Variants in HERC4 observed in about 807,000 individuals in gnomAD.
The protein encoded by HERC4 is probable E3 ubiquitin-protein ligase HERC4.
A neutral mutation model predicts 124.3 loss-of-function variants in HERC4; 28 were observed. The ratio of observed to expected loss-of-function variants is 0.23; its 90% CI spans 0.17 to 0.31. The LOEUF is 0.31. HERC4 is among the 10% of genes least tolerant of loss of function. HERC4 has a pLI of 1.00. For missense variants in HERC4, 713 were observed against 1,229.3 expected (o/e 0.58, Z 6.28); for synonymous variants, 407 against 421.5 (o/e 0.97, Z 0.42).
intron 21 of HERC4, among the ~76,000 whole-genome samples, chr10:67,937,591 TG>T (rs1445557995): frequency 2.6e-5 from 4 of 152,098 alleles, no homozygotes; most frequent in Admixed American, 6.5e-5. Flanking sequence ...TTTTTGTTTT[TG>T]TTTTTTTTAA....
intron 7 of HERC4, among the ~76,000 whole-genome samples, chr10:68,029,047 GC>G (rs2039052574): frequency 6.6e-6 from 1 of 151,860 alleles, no homozygotes; most frequent in Non-Finnish European, 1.5e-5. Flanking sequence ...GCACAGTGGC[GC>G]CCGTAGCTCC....
intron 9 of HERC4, chr10:67,995,248 ACT>A: frequency 2.2e-6 from 1 of 455,454 alleles, no homozygotes; most frequent in South Asian, 1.6e-5. Flanking sequence ...AAGAATTTTC[ACT>A]GAGTTCTTTT....
At chr10:68,023,045 T>C (rs2133243405) in intron 8 of HERC4, among the ~76,000 whole-genome samples, 1 of 149,882 alleles carries the variant, frequency 6.7e-6, no homozygotes, top group Middle Eastern at 3.5e-3. Context: ...AAAATAACAG[T>C]GTTGGTGAGG....
intron 23 of HERC4, among the ~76,000 whole-genome samples, chr10:67,928,193 TGACA>T (rs761756623): frequency 6.6e-6 from 1 of 151,986 alleles, no homozygotes; most frequent in Non-Finnish European, 1.5e-5. Context: ...AGAGGAACAA[TGACA>T]GGAGATGAGG....
At chr10:68,070,407 G>A in intron 3 of HERC4, 1 of 301,316 alleles carries the variant, frequency 3.3e-6, no homozygotes, top group Non-Finnish European at 4.9e-6. Context: ...AGGAGTTCGA[G>A]ACCAGCCTGG....
chr10:68,005,784 G>C (rs1176316246), intron 9 of HERC4, among the ~76,000 whole-genome samples: 1 of 151,858 alleles, frequency 6.6e-6, no homozygotes, highest in Non-Finnish European at 1.5e-5. Context: ...GCTCACTGCA[G>C]CCTCAACCTC....
chr10:67,939,197 T>C (rs1426819284), intron 21 of HERC4, among the ~76,000 whole-genome samples: 3 of 152,226 alleles, frequency 2.0e-5, no homozygotes, highest in Admixed American at 2.0e-4. Context: ...CAATAACCTT[T>C]TGCTTCTCTA....
At chr10:68,060,544 T>G (rs2040953530) in intron 3 of HERC4, among the ~76,000 whole-genome samples, 1 of 152,138 alleles carries the variant, frequency 6.6e-6, no homozygotes. Flanking sequence ...CAGCCATAAA[T>G]AATACATTCT....
intron 11 of HERC4, among the ~76,000 whole-genome samples, chr10:67,991,491 T>C (rs1205446864): frequency 6.6e-6 from 1 of 152,190 alleles, no homozygotes; most frequent in Non-Finnish European, 1.5e-5. Context: ...TGTATGTTCA[T>C]GTAAAAAGTT....
intron 4 of HERC4, among the ~76,000 whole-genome samples, chr10:68,041,102 C>T (rs1432359922): frequency 1.3e-5 from 2 of 151,480 alleles, no homozygotes; most frequent in South Asian, 2.1e-4. Context: ...AGGCAGAAAT[C>T]AGGCATTGTT....
intron 22 of HERC4, among the ~76,000 whole-genome samples, chr10:67,933,770 C>T (rs906253637): frequency 6.6e-6 from 1 of 152,148 alleles, no homozygotes; most frequent in Non-Finnish European, 1.5e-5. Flanking sequence ...TGTGCTAGTT[C>T]TTATTCTAAG....
intron 9 of HERC4, chr10:67,995,266 G>A (rs2036798408): frequency 2.2e-6 from 1 of 455,496 alleles, no homozygotes; most frequent in Non-Finnish European, 4.4e-6. Context: ...CTTTTTTGTG[G>A]TGGTAGTAGG....
In HERC4 at chr10:68,014,008, TA is replaced by T. The variant is rs1210339614; in HGVS notation, c.1069+17del. ...AACTTCAATATATGAAGGAAAGCTT[TA>T]ATATGACAGAACTTACCAATATCTG... On this transcript the variant is annotated intron_variant, in intron 9 of 24. Coordinates refer to ENST00000373700, the MANE Select transcript of HERC4 (RefSeq NM_015601.4). 1 of 1,553,116 alleles carries T rather than the reference TA, an allele frequency of 6.4e-7. No individual in the cohort carries two copies. Among genetic ancestry groups the T allele is most frequent in the Admixed American group, 2.1e-5 (1 of 47,026 alleles).
At chr10:68,058,137 A>G (rs928452618) in intron 3 of HERC4, among the ~76,000 whole-genome samples, 4 of 152,246 alleles carry the variant, frequency 2.6e-5, no homozygotes, top group Non-Finnish European at 5.9e-5. Flanking sequence ...TTGTATCTTT[A>G]AAGTCTGAAG....
intron 3 of HERC4, among the ~76,000 whole-genome samples, chr10:68,059,565 ATAT>A (rs1236424027): frequency 2.5e-4 from 19 of 77,126 alleles, no homozygotes; most frequent in African/African-American, 8.1e-4. Context: ...ATATATCATA[ATAT>A]TATATATCAT....
intron 9 of HERC4, among the ~76,000 whole-genome samples, chr10:68,002,400 G>A (rs979191334): frequency 1.3e-5 from 2 of 151,322 alleles, no homozygotes; most frequent in East Asian, 1.9e-4. Flanking sequence ...TGAAAAGAAG[G>A]ACATTTTGGT....
At chr10:68,038,409 G>A in intron 4 of HERC4, 1 of 346,232 alleles carries the variant, frequency 2.9e-6, no homozygotes, top group Non-Finnish European at 5.1e-6. Flanking sequence ...CAGTATTTAA[G>A]CAAAGTGAGC....
At chr10:68,060,301 G>A (rs1031964262) in intron 3 of HERC4, among the ~76,000 whole-genome samples, 2 of 152,022 alleles carry the variant, frequency 1.3e-5, no homozygotes, top group African/African-American at 2.4e-5. Context: ...ACAGTGGCAC[G>A]ATCTCAATTC....
chr10:67,996,671 A>G (rs1270921658), intron 9 of HERC4, among the ~76,000 whole-genome samples: 1 of 152,100 alleles, frequency 6.6e-6, no homozygotes, highest in African/African-American at 2.4e-5. Flanking sequence ...CATAGAAAAC[A>G]TCTTAGTATT....
Sources: gnomAD v4.1 joint callset for allele counts (sites outside exome capture counted in the v4.1 genomes callset) on GRCh38, gnomAD v4.1.1 for gene constraint, MANE v1.5 for transcripts, NCBI Gene and HGNC (gene_info 2026-07-23, HGNC 2026-07-21) for gene names.